The following HACL1 variants were observed in gnomAD, a reference collection of about 807,000 sequenced individuals.
HACL1 encodes the protein 2-hydroxyacyl-CoA lyase 1.
In HACL1, 64 loss-of-function variants were observed where a neutral mutation model predicts 74.2. The ratio of observed to expected loss-of-function variants is 0.86; its 90% CI spans 0.70 to 1.06. The LOEUF (loss-of-function observed/expected upper bound fraction) is 1.06, where lower values mean the gene tolerates loss of function less well. HACL1 is among the 50% of genes least tolerant of loss of function. The pLI is 0.00. For missense variants in HACL1, 728 were observed against 719.7 expected, an observed-to-expected ratio of 1.01 and a Z score of -0.13; for synonymous variants, 230 against 238.8, an observed-to-expected ratio of 0.96 and a Z score of 0.34.
intron 3 of HACL1, among the ~76,000 whole-genome samples, chr3:15,592,225 CATACGTAT>C (rs1438237096): frequency 4.9e-5 from 7 of 144,118 alleles, no homozygotes; most frequent in Non-Finnish European, 9.0e-5. Context: ...TATATGTATA[CATACGTAT>C]ATACGTATAC....
intron 14 of HACL1, among the ~76,000 whole-genome samples, chr3:15,565,325 T>C (rs1233313961): frequency 6.6e-6 from 1 of 152,228 alleles, no homozygotes; most frequent in Non-Finnish European, 1.5e-5. Context: ...AGTTGGTTCC[T>C]AGGAACAGTG....
At chr3:15,565,917 C>T (rs770394104) in intron 14 of HACL1, among the ~76,000 whole-genome samples, 3 of 152,152 alleles carry the variant, frequency 2.0e-5, no homozygotes, top group Non-Finnish European at 4.4e-5. Flanking sequence ...CAATACAGCA[C>T]AACAATTATT....
chr3:15,582,644 C>T (rs753932430), intron 8 of HACL1, among the ~76,000 whole-genome samples: 11 of 152,138 alleles, frequency 7.2e-5, no homozygotes, highest in African/African-American at 2.7e-4. Context: ...AGAATAAGCA[C>T]ATTTCACTAA....
Position 15,601,081 on chromosome 3 carries a change from C to T in HACL1, c.186+9G>A. 1 of 1,570,302 alleles carries T rather than the reference C, an allele frequency of 6.4e-7. No homozygotes were observed. Among genetic ancestry groups the T allele is most frequent in the South Asian group, 1.1e-5 (1 of 90,248 alleles). ...AGTAACGCATTCAGCCACCTGAGTC[C>T]ATACTCACCGCTTGCTCATTCCTCA... On this transcript the variant is annotated intron_variant, in intron 2 of 16. Coordinates refer to ENST00000321169, the MANE Select transcript of HACL1 (RefSeq NM_012260.4).
chr3:15,567,401 G>A (rs1168862763), intron 14 of HACL1, among the ~76,000 whole-genome samples: 3 of 147,464 alleles, frequency 2.0e-5, no homozygotes, highest in Admixed American at 6.8e-5. Context: ...TGTATATTTA[G>A]TAGAGATGGG....
At chr3:15,563,616 T>C in intron 15 of HACL1, 72 bp from the exon 16 acceptor site, 2 of 957,292 alleles carry the variant, frequency 2.1e-6, no homozygotes, top group South Asian at 3.3e-5. Context: ...TTCTCTGAAA[T>C]ACTTCATTAA....
intron 14 of HACL1, among the ~76,000 whole-genome samples, chr3:15,566,604 C>T (rs940685324): frequency 7.9e-5 from 12 of 152,052 alleles, no homozygotes; most frequent in African/African-American, 2.9e-4. Flanking sequence ...TGCGGTGAGC[C>T]GCAGTTGCGC....
At chr3:15,575,136 G>A (rs914898997) in intron 9 of HACL1, 54 bp from the exon 10 acceptor site, 13 of 919,350 alleles carry the variant, frequency 1.4e-5, no homozygotes, top group Admixed American at 5.3e-5. Flanking sequence ...TGAATTATTC[G>A]AAAATTCATC....
intron 5 of HACL1, among the ~76,000 whole-genome samples, 198 bp from the exon 6 acceptor site, chr3:15,586,800 A>G (rs1365352829): frequency 1.3e-5 from 2 of 152,200 alleles, no homozygotes; most frequent in East Asian, 3.8e-4. Context: ...GTATCATACC[A>G]AAGATGCAAA....
intron 3 of HACL1, among the ~76,000 whole-genome samples, chr3:15,592,123 CGTATACATACGTGTATATAT>C (rs1438082075): frequency 7.5e-5 from 11 of 146,460 alleles, no homozygotes; most frequent in South Asian, 2.1e-4. Context: ...ACACTATATA[CGTATACATACGTGTATATAT>C]GTATACATAC....
intron 2 of HACL1, among the ~76,000 whole-genome samples, chr3:15,597,111 C>T (rs568086582): frequency 2.0e-5 from 3 of 152,144 alleles, no homozygotes; most frequent in African/African-American, 4.8e-5. Context: ...TGTAGTGATA[C>T]CTCCTTTTTC....
chr3:15,583,061 T>A (rs1048021107), intron 7 of HACL1, 72 bp from the exon 8 acceptor site: 1 of 701,760 alleles, frequency 1.4e-6, no homozygotes, highest in Admixed American at 2.8e-5. Context: ...TTCAAATATA[T>A]AGAAAGGTAG....
rs764183329 is a variant in HACL1 at position 15,595,604 on chromosome 3, CTTTTTTTTT to C, written c.227+771_227+779del. Among the ~76,000 whole-genome samples, 175 of 97,358 alleles carry C rather than the reference CTTTTTTTTT, an allele frequency of 1.8e-3. 1 individual carries two copies. The highest frequency in any genetic ancestry group is 6.9e-3 in the African/African-American group (171 of 24,680). The allele number at this position is 97,358 out of a possible 152,430, so 63.9% of individuals were successfully genotyped here. A position where few individuals can be genotyped will look rare whatever the true frequency, so the allele number is the denominator to read the frequency against. On this transcript the variant is annotated intron_variant, in intron 3 of 16. Transcript: ENST00000321169. The stretch of plus-strand genomic sequence containing the variant: ...TAGGTGATTTTCTTCATCTTTTTTC[CTTTTTTTTT>C]TTTTTTTTTTTTTTGAGACGGAGTC...
rs747011194 is a variant in HACL1, at chr3:15,573,117, C to G, written c.993+42G>C. 8.8e-6 allele frequency: 9 copies of G among 1,017,256 alleles called. No homozygotes were observed. The Admixed American group carries it at 1.4e-4, about 16-fold the overall frequency. The allele number at this position is 1,017,256 out of a possible 1,614,324, so 63.0% of individuals were successfully genotyped here. A position where few individuals can be genotyped will look rare whatever the true frequency, so the allele number is the denominator to read the frequency against. On this transcript the variant is annotated intron_variant, in intron 11 of 16. Coordinates refer to ENST00000321169, the MANE Select transcript of HACL1 (RefSeq NM_012260.4). ...AAAACATTTTCAAGAATTGACTATT[C>G]CCTAATAAGCACTCCACATAAACTA...
In HACL1 at chr3:15,575,099, T is replaced by C. The variant is rs752649405; in HGVS notation, c.804-17A>G. On this transcript the variant is annotated splice_polypyrimidine_tract_variant and intron_variant, in intron 9 of 16. Transcript: ENST00000321169. ...TGCAAAGCCCTATTAAAAAAATTGA[T>C]ATGAAAGTATAACTACATTTCTTAT... 8.6e-7 allele frequency: 1 copy of C among 1,168,782 alleles called. No individual in the cohort carries two copies. The highest frequency in any genetic ancestry group is 1.2e-5 in the South Asian group (1 of 80,156). The allele number at this position is 1,168,782 out of a possible 1,614,324, so 72.4% of individuals were successfully genotyped here. A position where few individuals can be genotyped will look rare whatever the true frequency, so the allele number is the denominator to read the frequency against.
rs768547398 is a variant in HACL1 at position 15,582,857 on chromosome 3, T to A, written c.667+20A>T. 1 of 1,222,280 alleles carries A rather than the reference T, an allele frequency of 8.2e-7. No individual in the cohort carries two copies. Among genetic ancestry groups the A allele is most frequent in the South Asian group, 1.2e-5 (1 of 80,326 alleles). The allele number at this position is 1,222,280 out of a possible 1,614,324, so 75.7% of individuals were successfully genotyped here. The stretch of plus-strand genomic sequence containing the variant: ...GCACTTTCAAAAGCCTAGCAAGATT[T>A]AGAGTTCTATTCATGCTACCTTTCC... On this transcript the variant is annotated intron_variant, in intron 8 of 16. Coordinates refer to ENST00000321169, the MANE Select transcript of HACL1 (RefSeq NM_012260.4).
At chr3:15,567,752 C>A (rs573852168) in intron 14 of HACL1, 92 bp downstream of exon 14, 71 of 1,179,428 alleles carry the variant, frequency 6.0e-5, no homozygotes. Flanking sequence ...ACCTGGTGAA[C>A]GCTTCATAAG....
At chr3:15,574,199 T>C (rs1255117321) in intron 10 of HACL1, among the ~76,000 whole-genome samples, 4 of 152,156 alleles carry the variant, frequency 2.6e-5, no homozygotes, top group Non-Finnish European at 5.9e-5. Context: ...CGAGACTTTG[T>C]CTTTACAAAA....
Position 15,600,689 on chromosome 3 carries a change from A to G in HACL1, c.186+401T>C, listed in dbSNP as rs796374926. ...TGAACACCTTTCTTATGCAGGCACC[A>G]CACTAAGCACTGGGGGTACAGATGT... On this transcript the variant is annotated intron_variant, in intron 2 of 16. Coordinates refer to ENST00000321169, the MANE Select transcript of HACL1 (RefSeq NM_012260.4). 15 of 209,116 alleles carry G rather than the reference A, an allele frequency of 7.2e-5. 1 individual carries two copies. The highest frequency in any genetic ancestry group is 3.4e-4 in the African/African-American group (15 of 44,090). 13.0% of individuals were successfully genotyped at this position (209,116 alleles called of 1,614,324 possible). A position where few individuals can be genotyped will look rare whatever the true frequency, so the allele number is the denominator to read the frequency against.
Sources: gnomAD v4.1 joint callset for allele counts (sites outside exome capture counted in the v4.1 genomes callset) on GRCh38, gnomAD v4.1.1 for gene constraint, MANE v1.5 for transcripts, NCBI Gene and HGNC (gene_info 2026-07-23, HGNC 2026-07-21) for gene names.